SUMF1: variants seen among roughly 807,000 people sequenced by gnomAD.
SUMF1 encodes the protein sulfatase modifying factor 1.
SUMF1 carries 48 observed loss-of-function variants against 47.6 expected under a neutral mutation model. That is an observed-to-expected ratio of 1.01 (90% CI 0.80 to 1.28). SUMF1 has a LOEUF of 1.28. SUMF1 is among the 50% of genes most tolerant of loss of function. The probability of loss-of-function intolerance (pLI) is 0.00; values close to 1 mark genes in which losing one functional copy is unlikely to be tolerated. For missense variants in SUMF1, 571 were observed against 485.4 expected, an observed-to-expected ratio of 1.18 and a Z score of -1.66; for synonymous variants, 230 against 192.1, an observed-to-expected ratio of 1.20 and a Z score of -1.63.
At chr3:4,350,842 C>A (rs967514245) in intron 8 of SUMF1, among the ~76,000 whole-genome samples, 1 of 151,976 alleles carries the variant, frequency 6.6e-6, no homozygotes, top group Non-Finnish European at 1.5e-5. Context: ...TAAAATTTTG[C>A]ACCCCCTCCC....
intron 8 of SUMF1, among the ~76,000 whole-genome samples, chr3:4,221,832 C>G (rs1455145144): frequency 2.6e-5 from 4 of 151,994 alleles, no homozygotes. Context: ...TACACACACA[C>G]ACATTTGGAA....
chr3:4,068,230 A>T (rs1288039037), intron 9 of SUMF1, among the ~76,000 whole-genome samples: 2 of 152,192 alleles, frequency 1.3e-5, no homozygotes, highest in Non-Finnish European at 2.9e-5. Context: ...ATGAGCAAGG[A>T]ATTCAAAGAG....
At chr3:4,062,847 C>A (rs184794112) in intron 9 of SUMF1, among the ~76,000 whole-genome samples, 2 of 152,080 alleles carry the variant, frequency 1.3e-5, no homozygotes, top group Non-Finnish European at 2.9e-5. Context: ...AACCTGCAAC[C>A]AGATGCCTGC....
intron 8 of SUMF1, among the ~76,000 whole-genome samples, chr3:4,251,919 C>T (rs879556551): frequency 3.3e-5 from 5 of 152,142 alleles, no homozygotes; most frequent in Non-Finnish European, 5.9e-5. Context: ...TGCTATTTCA[C>T]ACTTAACAGA....
intron 8 of SUMF1, among the ~76,000 whole-genome samples, chr3:4,253,415 C>T (rs6778600): frequency 1.3e-5 from 2 of 151,944 alleles, no homozygotes; most frequent in African/African-American, 4.8e-5. Flanking sequence ...GCACCGTGCA[C>T]GAGCGGAAGC....
chr3:4,262,856 T>C (rs1282309695), intron 8 of SUMF1, among the ~76,000 whole-genome samples: 2 of 152,116 alleles, frequency 1.3e-5, no homozygotes, highest in Non-Finnish European at 2.9e-5. Flanking sequence ...GAGTAGTTTG[T>C]TTGTCTAAGG....
intron 9 of SUMF1, among the ~76,000 whole-genome samples, chr3:4,061,469 G>A (rs574741848): frequency 6.6e-6 from 1 of 152,172 alleles, no homozygotes; most frequent in South Asian, 2.1e-4. Flanking sequence ...TCTGCATGTA[G>A]TTACATTTCT....
intron 8 of SUMF1, among the ~76,000 whole-genome samples, chr3:4,221,264 C>T (rs34905781): frequency 0.34 from 51,293 of 152,020 alleles, 9,329 homozygotes; most frequent in Non-Finnish European, 0.42. Flanking sequence ...AACACATGTT[C>T]CTTGCCTTCT....
At chr3:4,207,710 A>G (rs528522018) in intron 8 of SUMF1, among the ~76,000 whole-genome samples, 1 of 152,298 alleles carries the variant, frequency 6.6e-6, no homozygotes, top group South Asian at 2.1e-4. Flanking sequence ...TGAAAAATCA[A>G]TAACTATTCT....
chr3:4,096,951 C>CA (rs1410028805), intron 8 of SUMF1, among the ~76,000 whole-genome samples: 1 of 151,848 alleles, frequency 6.6e-6, no homozygotes, highest in African/African-American at 2.4e-5. Context: ...TGATTCCTGG[C>CA]AACGAAATGA....
At chr3:4,436,022 C>A (rs568029142) in intron 3 of SUMF1, among the ~76,000 whole-genome samples, 4 of 152,160 alleles carry the variant, frequency 2.6e-5, no homozygotes, top group Non-Finnish European at 5.9e-5. Flanking sequence ...TGATGCACAT[C>A]GATAATCCCA....
chr3:4,382,336 G>GCACACACACCACA (rs1553566048), intron 7 of SUMF1, among the ~76,000 whole-genome samples: 1 of 149,346 alleles, frequency 6.7e-6, no homozygotes, highest in Middle Eastern at 3.3e-3. Flanking sequence ...ACACATACAT[G>GCACACACACCACA]CACACACACA....
chr3:4,383,437 A>G (rs1275359909), intron 7 of SUMF1, among the ~76,000 whole-genome samples: 2 of 152,186 alleles, frequency 1.3e-5, no homozygotes, highest in African/African-American at 4.8e-5. Flanking sequence ...ACAAATAAAT[A>G]GCAAGGGAGG....
intron 3 of SUMF1, among the ~76,000 whole-genome samples, chr3:4,445,545 C>T (rs183290968): frequency 3.9e-5 from 6 of 152,256 alleles, no homozygotes; most frequent in Admixed American, 3.3e-4. Flanking sequence ...CTCTCTCTCT[C>T]TCTTGCCCAG....
At chr3:4,180,485 T>C (rs1695069727) in intron 8 of SUMF1, among the ~76,000 whole-genome samples, 1 of 151,824 alleles carries the variant, frequency 6.6e-6, no homozygotes, top group South Asian at 2.1e-4. Flanking sequence ...TAGGTGGGAA[T>C]TGAACAATGA....
At chr3:4,291,124 T>A (rs1021588941) in intron 8 of SUMF1, among the ~76,000 whole-genome samples, 25 of 152,162 alleles carry the variant, frequency 1.6e-4, no homozygotes, top group South Asian at 6.2e-4. Context: ...CCAAATATTA[T>A]AATAACTATT....
At chr3:4,160,050 A>G (rs918831230) in intron 8 of SUMF1, among the ~76,000 whole-genome samples, 2 of 151,974 alleles carry the variant, frequency 1.3e-5, no homozygotes, top group Non-Finnish European at 2.9e-5. Flanking sequence ...TTTAGTTCAA[A>G]TCTGTTTGGT....
chr3:4,060,674 C>T (rs1695262862), intron 9 of SUMF1, among the ~76,000 whole-genome samples: 1 of 151,370 alleles, frequency 6.6e-6, no homozygotes, highest in Non-Finnish European at 1.5e-5. Context: ...CAAGTTTTGC[C>T]ATCAAATGAG....
In SUMF1 at chr3:4,420,096, G is replaced by T. The variant is rs751215634; in HGVS notation, c.570C>A (p.His190Gln). ...GAATAGTAGAGTCAGGCCCTTCTGG[G>T]TGTCTCCAGTTAGCGCCTTTCACAG... Reference protein sequence around the residue: ...WLPVKGANWRHPEGPDSTILH... With the variant: ...WLPVKGANWRQPEGPDSTILH... Residue 190 changes from histidine to glutamine, a missense_variant, in exon 4 of 9, where the codon CAC (histidine) becomes CAA (glutamine). Physicochemically the swap from His to Gln is conservative, Grantham distance 24 (BLOSUM62 0). Transcript: ENST00000272902. 1 of 1,614,120 alleles carries T rather than the reference G, an allele frequency of 6.2e-7. No homozygotes were observed. Among genetic ancestry groups the T allele is most frequent in the Non-Finnish European group, 8.5e-7 (1 of 1,180,004 alleles).
Sources: gnomAD v4.1 joint callset for allele counts (sites outside exome capture counted in the v4.1 genomes callset) on GRCh38, gnomAD v4.1.1 for gene constraint, MANE v1.5 for transcripts, NCBI Gene and HGNC (gene_info 2026-07-23, HGNC 2026-07-21) for gene names.